The following ZMIZ1 variants were observed in gnomAD, a reference collection of about 807,000 sequenced individuals.
ZMIZ1 encodes the protein zinc finger MIZ-type containing 1, also known as zinc finger MIZ domain-containing protein 1.
Under a neutral mutation model 113.9 loss-of-function variants are expected in ZMIZ1, and 17 were observed. The observed-to-expected ratio is 0.15, with a 90% CI of 0.10 to 0.22. The LOEUF is 0.22. ZMIZ1 is among the 10% of genes least tolerant of loss of function. ZMIZ1 has a pLI of 1.00. For synonymous variants in ZMIZ1, 607 were observed against 603.1 expected (o/e 1.01, Z -0.09); for missense variants, 1,059 against 1,477.8 (o/e 0.72, Z 4.65).
chr10:79,241,272 G>A (rs1180187704), intron 7 of ZMIZ1, among the ~76,000 whole-genome samples: 2 of 152,208 alleles, frequency 1.3e-5, no homozygotes, highest in African/African-American at 2.4e-5. Flanking sequence ...GGGCTTTAGA[G>A]TAGGTCAGTC....
Position 79,246,477 on chromosome 10 carries a change from G to A in ZMIZ1, c.280+30203G>A, listed in dbSNP as rs536517574. On this transcript the variant is annotated intron_variant, in intron 7 of 24. Coordinates refer to ENST00000334512, the MANE Select transcript of ZMIZ1 (RefSeq NM_020338.4). ...GATGCGGCATGGGTCCCTCGGGAGA[G>A]GCTGGCTCCTCCATGGGGAAGGAAC... 9.8e-5 allele frequency among the ~76,000 whole-genome samples: 15 copies of A among 152,340 alleles called. No homozygotes were observed. In the East Asian group the frequency reaches 2.3e-3, roughly 24 times the overall value.
At chr10:79,148,523 C>T (rs955211360) in intron 3 of ZMIZ1, among the ~76,000 whole-genome samples, 3 of 152,330 alleles carry the variant, frequency 2.0e-5, no homozygotes, top group South Asian at 2.1e-4. Context: ...CCCACAGGCT[C>T]GTGTGCTCAG....
At chr10:79,280,647 C>A (rs978275326) in intron 8 of ZMIZ1, among the ~76,000 whole-genome samples, 1 of 140,872 alleles carries the variant, frequency 7.1e-6, no homozygotes, top group Non-Finnish European at 1.6e-5. Context: ...CCACTCTGTT[C>A]TTTTTTTTTT....
chr10:79,142,936 T>C (rs144803688), intron 3 of ZMIZ1, among the ~76,000 whole-genome samples: 8 of 152,314 alleles, frequency 5.3e-5, no homozygotes, highest in Admixed American at 2.6e-4. Flanking sequence ...TCCTAAAAGA[T>C]GTGAACCTTC....
chr10:79,213,256 T>G (rs1848593788), intron 6 of ZMIZ1, among the ~76,000 whole-genome samples: 1 of 152,142 alleles, frequency 6.6e-6, no homozygotes, highest in Non-Finnish European at 1.5e-5. Flanking sequence ...CCACTGTCAG[T>G]CAGACCTTGC....
At chr10:79,134,163 C>A (rs776700731) in intron 2 of ZMIZ1, among the ~76,000 whole-genome samples, 2 of 152,148 alleles carry the variant, frequency 1.3e-5, no homozygotes, top group African/African-American at 2.4e-5. Flanking sequence ...CTGTCTGAAG[C>A]CCGGGGTCAC....
intron 7 of ZMIZ1, among the ~76,000 whole-genome samples, chr10:79,238,733 C>T (rs922562484): frequency 6.6e-6 from 1 of 152,214 alleles, no homozygotes; most frequent in Non-Finnish European, 1.5e-5. Flanking sequence ...ATTGCCAAGT[C>T]ATTTAAACCC....
At chr10:79,097,993 T>C (rs531139254) in intron 1 of ZMIZ1, among the ~76,000 whole-genome samples, 11 of 152,268 alleles carry the variant, frequency 7.2e-5, no homozygotes, top group Admixed American at 3.3e-4. Context: ...TCTCCAAGCA[T>C]TGATTGAGTC....
chr10:79,277,134 A>C, intron 7 of ZMIZ1, 47 bp from the exon 8 acceptor site: 1 of 1,460,622 alleles, frequency 6.8e-7, no homozygotes, highest in South Asian at 1.5e-5. Context: ...TTGGTGTGGC[A>C]GAGCATGATG....
intron 4 of ZMIZ1, among the ~76,000 whole-genome samples, chr10:79,167,477 T>C (rs1175702015): frequency 1.3e-5 from 2 of 152,174 alleles, no homozygotes; most frequent in Non-Finnish European, 2.9e-5. Flanking sequence ...GCAAGGCCAC[T>C]GCTGTCCTGC....
intron 2 of ZMIZ1, among the ~76,000 whole-genome samples, chr10:79,129,870 G>T (rs1262450896): frequency 6.6e-6 from 1 of 152,266 alleles, no homozygotes; most frequent in Non-Finnish European, 1.5e-5. Context: ...AGGTCAGCAG[G>T]GGGACAGAGC....
At chr10:79,247,989 T>G (rs796619307) in intron 7 of ZMIZ1, among the ~76,000 whole-genome samples, 1 of 152,092 alleles carries the variant, frequency 6.6e-6, no homozygotes. Context: ...CTCTAAAAGG[T>G]AGACTCCACT....
chr10:79,116,463 C>T lies in ZMIZ1; in HGVS notation c.-336-2452C>T, dbSNP rs139667006. Among the ~76,000 whole-genome samples the T allele has an allele frequency of 4.6e-3, 706 of 152,202 alleles. 8 individuals carry two copies. Among genetic ancestry groups the T allele is most frequent in the African/African-American group, 0.016 (673 of 41,524 alleles). On this transcript the variant is annotated intron_variant, in intron 1 of 24. Transcript: ENST00000334512. The stretch of plus-strand genomic sequence containing the variant: ...CAAGGCCTGGGGAGGTCAGGGAGGG[C>T]CTCCAGGAGAAGGTGCCACCTGACT...
intron 2 of ZMIZ1, among the ~76,000 whole-genome samples, chr10:79,127,080 C>T (rs898253804): frequency 6.0e-5 from 9 of 150,684 alleles, no homozygotes; most frequent in Admixed American, 5.2e-4. Flanking sequence ...CCAACTCCTT[C>T]TTTCCTCCTT....
chr10:79,165,980 G>GCAGCTCAGC (rs1209168160), intron 4 of ZMIZ1, among the ~76,000 whole-genome samples: 3 of 150,036 alleles, frequency 2.0e-5, no homozygotes, highest in Non-Finnish European at 3.0e-5. Flanking sequence ...GTGTGTGTGT[G>GCAGCTCAGC]TGTGTGTGTG....
At chr10:79,295,178 G>A (rs1184130663) in intron 12 of ZMIZ1, 2 of 152,174 alleles carry the variant, frequency 1.3e-5, no homozygotes, top group African/African-American at 4.8e-5. Flanking sequence ...TGGCTGTGCT[G>A]GGGGTGCATC....
chr10:79,135,758 C>T (rs368674458), intron 2 of ZMIZ1, among the ~76,000 whole-genome samples: 5 of 152,172 alleles, frequency 3.3e-5, no homozygotes, highest in African/African-American at 9.7e-5. Flanking sequence ...CTTCCCAAAG[C>T]GTCAGTCTCC....
intron 5 of ZMIZ1, among the ~76,000 whole-genome samples, chr10:79,207,668 C>T (rs10762853): frequency 0.27 from 41,009 of 152,088 alleles, 5,699 homozygotes; most frequent in Middle Eastern, 0.37. Flanking sequence ...TCTGAGCGGA[C>T]CCAGGCAGGG....
intron 1 of ZMIZ1, among the ~76,000 whole-genome samples, chr10:79,102,063 CAAG>C (rs1843385095): frequency 1.3e-5 from 2 of 152,220 alleles, no homozygotes; most frequent in Admixed American, 1.3e-4. Context: ...CTCCTGCTCT[CAAG>C]GAGGAAGAGC....
Sources: gnomAD v4.1 joint callset for allele counts (sites outside exome capture counted in the v4.1 genomes callset) on GRCh38, gnomAD v4.1.1 for gene constraint, MANE v1.5 for transcripts, NCBI Gene and HGNC (gene_info 2026-07-23, HGNC 2026-07-21) for gene names.